Variants in CALN1 observed in about 807,000 individuals in gnomAD.
CALN1 encodes the protein calneuron 1, also known as calcium-binding protein 8.
In CALN1, 17 loss-of-function variants were observed where a neutral mutation model predicts 30.6. The observed-to-expected ratio is 0.56, with a 90% CI of 0.38 to 0.83. The LOEUF (loss-of-function observed/expected upper bound fraction) is 0.83. Ranked by LOEUF, CALN1 falls within the 40% of genes least tolerant of loss-of-function variation. The pLI, the probability that CALN1 is intolerant of heterozygous loss-of-function variation, is 0.00. For synonymous variants in CALN1, 156 were observed against 131.4 expected (o/e 1.19, Z -1.28); for missense variants, 291 against 354.9 (o/e 0.82, Z 1.45).
intron 2 of CALN1, among the ~76,000 whole-genome samples, chr7:72,355,037 T>C (rs1024713173): frequency 3.9e-5 from 6 of 152,162 alleles, no homozygotes; most frequent in East Asian, 1.9e-4. Context: ...AGCCCCGGAA[T>C]AGCTGGGACT....
rs189408719 is a variant in CALN1, at chr7:72,099,057, G to A, written c.388+7094C>T. On this transcript the variant is annotated intron_variant, in intron 4 of 6. Coordinates refer to ENST00000395275, the MANE Select transcript of CALN1 (RefSeq NM_031468.4). ...AGACAAACCCAGGCGAATTCCAGCC[G>A]GGCCTCGTGCCGAAGGTATGACCTC... Among the ~76,000 whole-genome samples the A allele has an allele frequency of 3.5e-4, 53 of 152,208 alleles. No homozygotes were observed. In the East Asian group the frequency reaches 3.9e-3, roughly 11 times the overall value.
In CALN1 at chr7:71,784,839, C is replaced by G. The variant is rs1184644782; in HGVS notation, c.*2936G>C. 4 of 398,512 alleles carry G rather than the reference C, an allele frequency of 1.0e-5. No individual in the cohort carries two copies. In the Admixed American group the frequency reaches 1.8e-4, roughly 18 times the overall value. The allele number at this position is 398,512 out of a possible 1,614,324, so 24.7% of individuals were successfully genotyped here. ...ATGGCATCCCTTGGGCATGGGAGAC[C>G]AGGACCTTCTGGAATCTTCAGCCGT... On this transcript the variant is annotated 3_prime_UTR_variant, in exon 7 of 7. Transcript: ENST00000395275.
intron 2 of CALN1, among the ~76,000 whole-genome samples, chr7:72,339,396 A>AC (rs762304218): frequency 1.3e-5 from 2 of 152,040 alleles, no homozygotes; most frequent in African/African-American, 2.4e-5. Flanking sequence ...AACAGGTACC[A>AC]CTCTTAAGGA....
At chr7:72,222,087 A>G (rs1401911594) in intron 3 of CALN1, among the ~76,000 whole-genome samples, 1 of 152,028 alleles carries the variant, frequency 6.6e-6, no homozygotes, top group East Asian at 1.9e-4. Flanking sequence ...TTAGCCAAGT[A>G]TGGGGGCACA....
chr7:71,810,308 G>C, intron 6 of CALN1, 28 bp downstream of exon 6: 1 of 1,610,312 alleles, frequency 6.2e-7, no homozygotes, highest in Non-Finnish European at 8.5e-7. Context: ...TCCCGGACCG[G>C]GGAGGGGATG....
intron 4 of CALN1, among the ~76,000 whole-genome samples, chr7:72,068,750 CA>C (rs1488637692): frequency 1.3e-5 from 2 of 152,174 alleles, no homozygotes. Context: ...CTCGGCCTCC[CA>C]AAGTGCTGGG....
At chr7:72,476,742 T>C in the CALN1 span, among the ~76,000 whole-genome samples, 5,893 of 152,298 alleles carry the variant, frequency 0.039, 360 homozygotes, top group African/African-American at 0.13. Flanking sequence ...CACACAATGA[T>C]ACTGAACACC....
intron 2 of CALN1, among the ~76,000 whole-genome samples, chr7:72,401,090 C>T (rs186658356): frequency 2.0e-5 from 3 of 152,166 alleles, no homozygotes; most frequent in African/African-American, 7.2e-5. Context: ...TGTCAACATG[C>T]TTCTCTCAAT....
intron 5 of CALN1, 108 bp from the exon 6 acceptor site, chr7:71,810,600 CG>C: frequency 9.2e-7 from 1 of 1,091,544 alleles, no homozygotes; most frequent in South Asian, 1.6e-5. Context: ...CTTGTCTCAG[CG>C]TTTCAGGATA....
intron 5 of CALN1, among the ~76,000 whole-genome samples, chr7:71,896,960 T>C (rs553743295): frequency 1.3e-5 from 2 of 152,310 alleles, no homozygotes; most frequent in East Asian, 3.9e-4. Flanking sequence ...GTTTTCCCTA[T>C]ATTCTACATT....
At chr7:71,998,047 C>T (rs1247908384) in intron 5 of CALN1, among the ~76,000 whole-genome samples, 1 of 152,094 alleles carries the variant, frequency 6.6e-6, no homozygotes, top group Non-Finnish European at 1.5e-5. Flanking sequence ...TCTGAAACTC[C>T]TGACCTCCCT....
intron 5 of CALN1, among the ~76,000 whole-genome samples, chr7:71,876,641 T>C (rs1250425877): frequency 6.6e-6 from 1 of 152,202 alleles, no homozygotes; most frequent in African/African-American, 2.4e-5. Flanking sequence ...GAATGTGATT[T>C]AGAGAGGAAT....
intron 6 of CALN1, among the ~76,000 whole-genome samples, chr7:71,809,350 C>T: frequency 6.6e-6 from 1 of 150,926 alleles, no homozygotes; most frequent in Admixed American, 6.7e-5. Context: ...TAGCCTCCCC[C>T]CATAGCACTC....
At chr7:72,108,886 C>A (rs1807363770) in intron 3 of CALN1, among the ~76,000 whole-genome samples, 1 of 152,208 alleles carries the variant, frequency 6.6e-6, no homozygotes, top group African/African-American at 2.4e-5. Context: ...TTGCAAAACA[C>A]CAAACCAGGG....
intron 3 of CALN1, among the ~76,000 whole-genome samples, chr7:72,242,637 T>C (rs573963648): frequency 4.3e-4 from 66 of 152,258 alleles, no homozygotes; most frequent in African/African-American, 1.6e-3. Flanking sequence ...CATGTAATCC[T>C]AACACTTTAG....
At chr7:71,924,575 T>C (rs1795160983) in intron 5 of CALN1, among the ~76,000 whole-genome samples, 3 of 152,162 alleles carry the variant, frequency 2.0e-5, no homozygotes, top group South Asian at 4.1e-4. Flanking sequence ...AAACAATATC[T>C]GAGGTTTGTG....
intron 3 of CALN1, among the ~76,000 whole-genome samples, chr7:72,119,159 C>T (rs535175296): frequency 6.6e-6 from 1 of 152,252 alleles, no homozygotes; most frequent in South Asian, 2.1e-4. Context: ...AGTCCATTTT[C>T]ACGCTGCTTA....
At position 72,319,753 on chromosome 7, in the gene CALN1, G is replaced by A. The variant is rs983757529; in HGVS notation, c.120-40943C>T. 5.3e-5 allele frequency among the ~76,000 whole-genome samples: 8 copies of A among 152,166 alleles called. 1 individual carries two copies. The highest frequency in any genetic ancestry group is 5.2e-4 in the Admixed American group (8 of 15,268). On this transcript the variant is annotated intron_variant, in intron 2 of 6. Transcript: ENST00000395275. ...GGTAAATCTGTGGTGAGGCTGGGGT[G>A]AGATGTCCACTGAAGGCAAGGGGGG...
chr7:71,811,796 A>C (rs1240553867), intron 5 of CALN1, among the ~76,000 whole-genome samples: 1 of 150,006 alleles, frequency 6.7e-6, no homozygotes, highest in East Asian at 2.0e-4. Flanking sequence ...CTCCTTCCTC[A>C]GCCTCCCGAG....
Sources: gnomAD v4.1 joint callset for allele counts (sites outside exome capture counted in the v4.1 genomes callset) on GRCh38, gnomAD v4.1.1 for gene constraint, MANE v1.5 for transcripts, NCBI Gene and HGNC (gene_info 2026-07-23, HGNC 2026-07-21) for gene names.